The following DLGAP2 variants were observed in gnomAD, a reference collection of about 807,000 sequenced individuals.
DLGAP2 encodes the protein DLG associated protein 2, also known as disks large-associated protein 2.
A neutral mutation model predicts 100.3 loss-of-function variants in DLGAP2; 26 were observed. The observed-to-expected ratio is 0.26, with a 90% CI of 0.19 to 0.36. The LOEUF (loss-of-function observed/expected upper bound fraction) is 0.36, where lower values mean the gene tolerates loss of function less well. DLGAP2 is among the 10% of genes least tolerant of loss of function. The probability of loss-of-function intolerance (pLI) is 1.00; values close to 1 mark genes in which losing one functional copy is unlikely to be tolerated. For missense variants in DLGAP2, 1,858 were observed against 1,453.2 expected (o/e 1.28, Z -4.53); for synonymous variants, 886 against 630.1 (o/e 1.41, Z -6.08).
At chr8:1,336,141 C>G (rs1563090506) in intron 3 of DLGAP2, among the ~76,000 whole-genome samples, 1 of 152,256 alleles carries the variant, frequency 6.6e-6, no homozygotes. Context: ...TTGGTGACCC[C>G]ATGGGTCCCT....
chr8:1,361,287 A>T (rs1801976884), intron 3 of DLGAP2, among the ~76,000 whole-genome samples: 1 of 152,204 alleles, frequency 6.6e-6, no homozygotes, highest in African/African-American at 2.4e-5. Flanking sequence ...CATTTCATGG[A>T]TCACATTCTC....
At chr8:1,216,805 C>G (rs1389939747) in intron 2 of DLGAP2, among the ~76,000 whole-genome samples, 1 of 152,138 alleles carries the variant, frequency 6.6e-6, no homozygotes, top group Non-Finnish European at 1.5e-5. Context: ...ATGAAGTGAA[C>G]AGTAGTAACC....
chr8:847,254 A>C (rs1376127907), intron 1 of DLGAP2, among the ~76,000 whole-genome samples: 1 of 152,134 alleles, frequency 6.6e-6, no homozygotes, highest in Non-Finnish European at 1.5e-5. Flanking sequence ...TAGTTTTCAG[A>C]TATACTGGCC....
In DLGAP2 at chr8:1,622,883, G is replaced by A. The variant is rs550462921; in HGVS notation, c.1443-3857G>A. ...AGGAGGGGGATTTTCAGGGGGAAGA[G>A]TCAGGTGGATTTTGTGGAGTGAGCC... On this transcript the variant is annotated intron_variant, in intron 6 of 14. Coordinates refer to ENST00000637795, the MANE Select transcript of DLGAP2 (RefSeq NM_001346810.2). 2.4e-3 allele frequency among the ~76,000 whole-genome samples: 360 copies of A among 152,262 alleles called. 1 individual carries two copies. The highest frequency in any genetic ancestry group is 8.4e-3 in the African/African-American group (350 of 41,548).
At chr8:765,168 T>C (rs946352583) in intron 1 of DLGAP2, among the ~76,000 whole-genome samples, 3 of 152,242 alleles carry the variant, frequency 2.0e-5, no homozygotes, top group Admixed American at 6.5e-5. Flanking sequence ...TCTGCTGTTA[T>C]CTGTTTTTAT....
chr8:1,623,484 A>G (rs1459105521), intron 6 of DLGAP2, among the ~76,000 whole-genome samples: 4 of 140,978 alleles, frequency 2.8e-5, no homozygotes, highest in Non-Finnish European at 4.6e-5. Flanking sequence ...ACACCAGTGC[A>G]CGATGACCTG....
At chr8:802,689 A>C (rs1036429778) in intron 1 of DLGAP2, among the ~76,000 whole-genome samples, 1 of 152,046 alleles carries the variant, frequency 6.6e-6, no homozygotes, top group East Asian at 1.9e-4. Context: ...GCCGCCCTGC[A>C]TGGAATTTTA....
intron 2 of DLGAP2, among the ~76,000 whole-genome samples, chr8:946,149 A>T (rs978616597): frequency 4.6e-5 from 7 of 151,914 alleles, no homozygotes; most frequent in Non-Finnish European, 8.8e-5. Flanking sequence ...GCAAACCCTT[A>T]GCGTGACCCC....
intron 2 of DLGAP2, among the ~76,000 whole-genome samples, chr8:1,142,998 C>A (rs1201444815): frequency 1.3e-5 from 2 of 152,104 alleles, no homozygotes; most frequent in Non-Finnish European, 2.9e-5. Context: ...GCCATTTTTC[C>A]TGAGATTGGA....
At chr8:822,013 A>T (rs1243357851) in intron 1 of DLGAP2, 3 of 397,528 alleles carry the variant, frequency 7.5e-6, no homozygotes, top group Admixed American at 4.4e-5. Context: ...TTTAATGTAC[A>T]TTCCATTTTT....
chr8:1,373,417 GC>G (rs1244690003), intron 3 of DLGAP2, among the ~76,000 whole-genome samples: 2 of 152,162 alleles, frequency 1.3e-5, no homozygotes, highest in African/African-American at 4.8e-5. Flanking sequence ...CGGGCTTCCT[GC>G]CCGACAAGGA....
rs1439760206 is a variant in DLGAP2 at position 882,441 on chromosome 8, T to C, written c.19-25471T>C. Among the ~76,000 whole-genome samples the C allele has an allele frequency of 3.8e-4, 36 of 95,092 alleles. 1 individual carries two copies. Among genetic ancestry groups the C allele is most frequent in the African/African-American group, 9.4e-4 (23 of 24,394 alleles). 62.4% of individuals were successfully genotyped at this position (95,092 alleles called of 152,430 possible). Reference sequence around the variant, plus strand: ...CGCGCACCCTCGCCTGATCCAGCGGTACCTCTCCCTGCGGAGGCCTCTCCT... The same window carrying C: ...CGCGCACCCTCGCCTGATCCAGCGGCACCTCTCCCTGCGGAGGCCTCTCCT... On this transcript the variant is annotated intron_variant, in intron 1 of 14. Coordinates refer to ENST00000637795, the MANE Select transcript of DLGAP2 (RefSeq NM_001346810.2).
chr8:1,270,495 C>T (rs1799558989), intron 3 of DLGAP2, among the ~76,000 whole-genome samples: 1 of 152,140 alleles, frequency 6.6e-6, no homozygotes, highest in Admixed American at 6.5e-5. Context: ...ATTGACTTTC[C>T]TCAGGAGAAA....
intron 2 of DLGAP2, among the ~76,000 whole-genome samples, chr8:1,001,158 A>G (rs1235478633): frequency 6.6e-6 from 1 of 152,140 alleles, no homozygotes; most frequent in Non-Finnish European, 1.5e-5. Flanking sequence ...TTTTTCTTGT[A>G]TGCTTGCTGC....
In DLGAP2 at chr8:872,907, C is replaced by G. The variant is rs566825154; in HGVS notation, c.19-35005C>G. The stretch of plus-strand genomic sequence containing the variant: ...CCAGGACCCCCACAGATACGCAGAT[C>G]CACGGATGCTCAAGTCCCTGATGGC... On this transcript the variant is annotated intron_variant, in intron 1 of 14. Transcript: ENST00000637795. 8.5e-5 allele frequency among the ~76,000 whole-genome samples: 13 copies of G among 152,292 alleles called. No individual in the cohort carries two copies. The South Asian group carries it at 2.1e-3, about 24-fold the overall frequency.
At chr8:1,672,202 T>G (rs1798706169) in intron 10 of DLGAP2, among the ~76,000 whole-genome samples, 1 of 151,076 alleles carries the variant, frequency 6.6e-6, no homozygotes, top group Non-Finnish European at 1.5e-5. Flanking sequence ...TGAGATCAGT[T>G]TTTTTGTTGT....
At chr8:1,628,456 G>T (rs1187993417) in intron 7 of DLGAP2, among the ~76,000 whole-genome samples, 4 of 116,636 alleles carry the variant, frequency 3.4e-5, no homozygotes, top group African/African-American at 1.5e-4. Flanking sequence ...CTGTGGAGCA[G>T]GAATTAAGAG....
intron 8 of DLGAP2, among the ~76,000 whole-genome samples, chr8:1,637,987 C>T (rs1422000856): frequency 3.3e-5 from 5 of 152,206 alleles, no homozygotes; most frequent in Admixed American, 6.5e-5. Flanking sequence ...TAATGACAAA[C>T]GTCCCGAAAA....
At chr8:1,389,786 A>T (rs1281720756) in intron 3 of DLGAP2, among the ~76,000 whole-genome samples, 1 of 152,064 alleles carries the variant, frequency 6.6e-6, no homozygotes, top group Non-Finnish European at 1.5e-5. Context: ...CCCCGGGCGG[A>T]GACCCAGAGC....
Sources: gnomAD v4.1 joint callset for allele counts (sites outside exome capture counted in the v4.1 genomes callset) on GRCh38, gnomAD v4.1.1 for gene constraint, MANE v1.5 for transcripts, NCBI Gene and HGNC (gene_info 2026-07-23, HGNC 2026-07-21) for gene names.